RBPMS: variants seen among roughly 807,000 people sequenced by gnomAD.
The protein encoded by RBPMS is RNA binding protein, mRNA processing factor.
In RBPMS, 7 loss-of-function variants were observed where a neutral mutation model predicts 26.8. The ratio of observed to expected loss-of-function variants is 0.26; its 90% CI spans 0.15 to 0.49. RBPMS has a LOEUF of 0.49. RBPMS is among the 20% of genes least tolerant of loss of function. RBPMS has a pLI of 0.98. For missense variants in RBPMS, 186 were observed against 250.0 expected, an observed-to-expected ratio of 0.74 and a Z score of 1.73; for synonymous variants, 96 against 93.3, an observed-to-expected ratio of 1.03 and a Z score of -0.17.
intron 1 of RBPMS, among the ~76,000 whole-genome samples, chr8:30,445,649 G>GACATATATATATATAT (rs1198019611): frequency 7.5e-5 from 8 of 107,368 alleles, no homozygotes; most frequent in Non-Finnish European, 1.1e-4. Flanking sequence ...TATACACACG[G>GACATATATATATATAT]ATATATATAT....
chr8:30,532,141 A>G (rs1312867042), intron 5 of RBPMS, among the ~76,000 whole-genome samples: 2 of 152,180 alleles, frequency 1.3e-5, no homozygotes, highest in East Asian at 3.8e-4. Context: ...TCTAGTGATC[A>G]TTAATTTAAT....
At chr8:30,508,007 T>A (rs951925914) in intron 5 of RBPMS, among the ~76,000 whole-genome samples, 1 of 152,204 alleles carries the variant, frequency 6.6e-6, no homozygotes, top group Admixed American at 6.5e-5. Context: ...ATTCATATGA[T>A]GAAGTGTCTG....
At chr8:30,451,245 T>G (rs1223153836) in intron 1 of RBPMS, among the ~76,000 whole-genome samples, 1 of 152,182 alleles carries the variant, frequency 6.6e-6, no homozygotes, top group Non-Finnish European at 1.5e-5. Flanking sequence ...AGACTTTTCT[T>G]TCTCCTATCT....
At chr8:30,559,380 C>T (rs748695811) in intron 7 of RBPMS, among the ~76,000 whole-genome samples, 2 of 152,238 alleles carry the variant, frequency 1.3e-5, no homozygotes, top group African/African-American at 2.4e-5. Context: ...TCCCTGCATA[C>T]ATCATATCCA....
At chr8:30,529,795 C>T (rs1437730821) in intron 5 of RBPMS, among the ~76,000 whole-genome samples, 1 of 150,966 alleles carries the variant, frequency 6.6e-6, no homozygotes, top group Non-Finnish European at 1.5e-5. Flanking sequence ...CTCTTGTTGC[C>T]CAGGCTGGAG....
rs975605159 is a variant in RBPMS at position 30,458,791 on chromosome 8, A to T, written c.67-15988A>T. ...CAGTGGTGCAAACATGGCTCACTGC[A>T]GCCTCAACCTCCTGGGCTCAGTTGA... On this transcript the variant is annotated intron_variant, in intron 1 of 8. Transcript: ENST00000397323. 3.9e-5 allele frequency among the ~76,000 whole-genome samples: 6 copies of T among 152,212 alleles called. No individual in the cohort carries two copies. The East Asian group carries it at 9.7e-4, about 25-fold the overall frequency.
At chr8:30,512,425 C>CA (rs1821814326) in intron 5 of RBPMS, among the ~76,000 whole-genome samples, 1 of 152,110 alleles carries the variant, frequency 6.6e-6, no homozygotes, top group Non-Finnish European at 1.5e-5. Context: ...GACCCCTTTC[C>CA]ATCCAGGACT....
At chr8:30,409,265 C>T (rs1163499785) in intron 1 of RBPMS, among the ~76,000 whole-genome samples, 1 of 151,488 alleles carries the variant, frequency 6.6e-6, no homozygotes, top group Non-Finnish European at 1.5e-5. Context: ...GTGATCTCAG[C>T]TCACCGCAAC....
At chr8:30,501,279 C>T (rs1400620375) in intron 4 of RBPMS, among the ~76,000 whole-genome samples, 1 of 141,878 alleles carries the variant, frequency 7.0e-6, no homozygotes, top group Non-Finnish European at 1.5e-5. Flanking sequence ...CCCTCCCACC[C>T]CAACACCCTT....
At chr8:30,530,008 G>A (rs1317545237) in intron 5 of RBPMS, among the ~76,000 whole-genome samples, 2 of 152,082 alleles carry the variant, frequency 1.3e-5, no homozygotes. Context: ...GCCCACCTCG[G>A]CCTCCCAAAG....
intron 1 of RBPMS, among the ~76,000 whole-genome samples, chr8:30,409,127 A>T (rs977960589): frequency 2.0e-5 from 3 of 151,252 alleles, no homozygotes; most frequent in Non-Finnish European, 4.4e-5. Context: ...CGCTTTTTAC[A>T]TGTCAGTCTG....
intron 1 of RBPMS, among the ~76,000 whole-genome samples, chr8:30,434,703 C>T (rs1453209512): frequency 8.6e-6 from 1 of 116,770 alleles, no homozygotes; most frequent in East Asian, 2.3e-4. Context: ...GACTCTGCCT[C>T]GAAAAAAAAA....
chr8:30,427,798 T>G (rs926387352), intron 1 of RBPMS, among the ~76,000 whole-genome samples: 2 of 152,168 alleles, frequency 1.3e-5, no homozygotes, highest in Non-Finnish European at 1.5e-5. Context: ...GCTTTGTGAC[T>G]TGCCATCTCT....
chr8:30,445,973 C>T (rs542146962), intron 1 of RBPMS, among the ~76,000 whole-genome samples: 2 of 152,178 alleles, frequency 1.3e-5, no homozygotes, highest in South Asian at 4.2e-4. Context: ...CCTGTAAATA[C>T]ATTTATGTGA....
intron 4 of RBPMS, among the ~76,000 whole-genome samples, chr8:30,480,941 C>G (rs947085096): frequency 6.6e-6 from 1 of 152,188 alleles, no homozygotes; most frequent in Non-Finnish European, 1.5e-5. Context: ...AAGGAAGTAA[C>G]AAGCAGTTGA....
At chr8:30,526,222 C>G (rs377213187) in intron 5 of RBPMS, among the ~76,000 whole-genome samples, 28 of 152,222 alleles carry the variant, frequency 1.8e-4, no homozygotes, top group African/African-American at 6.8e-4. Flanking sequence ...GGAGTCCAAA[C>G]AGAGTCCATC....
chr8:30,525,809 G>T (rs1435526134), intron 5 of RBPMS, among the ~76,000 whole-genome samples: 1 of 152,226 alleles, frequency 6.6e-6, no homozygotes, highest in Non-Finnish European at 1.5e-5. Flanking sequence ...GCTCTCTGCA[G>T]GTTGCAGCTC....
intron 4 of RBPMS, among the ~76,000 whole-genome samples, chr8:30,488,974 T>A (rs1227114191): frequency 6.6e-6 from 1 of 152,208 alleles, no homozygotes; most frequent in Non-Finnish European, 1.5e-5. Context: ...TTTTCCTTCC[T>A]ATGCTGTTGA....
At chr8:30,408,517 A>T (rs1456246014) in intron 1 of RBPMS, among the ~76,000 whole-genome samples, 6 of 152,210 alleles carry the variant, frequency 3.9e-5, no homozygotes. Flanking sequence ...CAACAGAACG[A>T]GACTGTCTCA....
Sources: gnomAD v4.1 joint callset for allele counts (sites outside exome capture counted in the v4.1 genomes callset) on GRCh38, gnomAD v4.1.1 for gene constraint, MANE v1.5 for transcripts, NCBI Gene and HGNC (gene_info 2026-07-23, HGNC 2026-07-21) for gene names.